The following OSBPL10 variants were observed in gnomAD, a reference collection of about 807,000 sequenced individuals.
OSBPL10 encodes oxysterol-binding protein-related protein 10.
In OSBPL10, 49 loss-of-function variants were observed where a neutral mutation model predicts 81.7. The ratio of observed to expected loss-of-function variants is 0.60; its 90% CI spans 0.48 to 0.76. The LOEUF is 0.76. Among genes scored for constraint, OSBPL10 ranks in the 30% least tolerant of loss-of-function variants. OSBPL10 has a pLI of 0.00. For missense variants in OSBPL10, 923 were observed against 987.8 expected (o/e 0.93, Z 0.88); for synonymous variants, 419 against 383.6 (o/e 1.09, Z -1.08).
rs1214756198 is a variant in OSBPL10 at position 31,798,166 on chromosome 3, C to G, written c.729+31874G>C. Among the ~76,000 whole-genome samples the G allele has an allele frequency of 2.0e-5, 3 of 152,142 alleles. No individual in the cohort carries two copies. The East Asian group carries it at 5.8e-4, about 29-fold the overall frequency. ...CACATGGAGGCCAGGCGCAGTGGCT[C>G]ACACCTGTAATCCCAGCACTTTGGG... On this transcript the variant is annotated intron_variant, in intron 4 of 11. Coordinates refer to ENST00000396556, the MANE Select transcript of OSBPL10 (RefSeq NM_017784.5).
intron 2 of OSBPL10, among the ~76,000 whole-genome samples, chr3:32,037,917 G>A (rs139513652): frequency 1.9e-3 from 293 of 152,346 alleles, no homozygotes; most frequent in African/African-American, 6.9e-3. Context: ...AAGGGAAAGG[G>A]AGCATTGTCC....
intron 2 of OSBPL10, chr3:32,030,769 T>C: frequency 1.6e-6 from 1 of 615,458 alleles, no homozygotes; most frequent in Non-Finnish European, 2.9e-6. Context: ...TTACATAAAA[T>C]ATTCTCTGTT....
intron 2 of OSBPL10, among the ~76,000 whole-genome samples, chr3:32,029,511 G>T (rs141108160): frequency 6.6e-6 from 1 of 152,218 alleles, no homozygotes; most frequent in African/African-American, 2.4e-5. Context: ...AAGAATTGAG[G>T]TTGCTGCAGA....
At chr3:32,019,131 AC>A (rs146008331) in intron 2 of OSBPL10, among the ~76,000 whole-genome samples, 1 of 151,788 alleles carries the variant, frequency 6.6e-6, no homozygotes, top group Non-Finnish European at 1.5e-5. Context: ...AACATCACCC[AC>A]CCCCCCAAAT....
At chr3:31,724,977 C>T (rs1183983338) in intron 6 of OSBPL10, among the ~76,000 whole-genome samples, 1 of 150,798 alleles carries the variant, frequency 6.6e-6, no homozygotes, top group Non-Finnish European at 1.5e-5. Context: ...CATAGGTAAA[C>T]CCACAGCCAC....
intron 4 of OSBPL10, among the ~76,000 whole-genome samples, chr3:31,778,605 A>C (rs566486974): frequency 6.6e-6 from 1 of 152,306 alleles, no homozygotes; most frequent in South Asian, 2.1e-4. Flanking sequence ...GAGAAAGAAC[A>C]AAAATCTAAA....
intron 1 of OSBPL10, among the ~76,000 whole-genome samples, chr3:31,909,708 C>T (rs1559514082): frequency 6.6e-6 from 1 of 152,122 alleles, no homozygotes; most frequent in Non-Finnish European, 1.5e-5. Flanking sequence ...TAACCCTCAG[C>T]GACCACATCA....
intron 2 of OSBPL10, among the ~76,000 whole-genome samples, chr3:32,038,708 T>C (rs1400368444): frequency 6.6e-6 from 1 of 152,220 alleles, no homozygotes; most frequent in African/African-American, 2.4e-5. Flanking sequence ...TACATGGGCA[T>C]AAGGGATCTT....
chr3:31,741,296 C>T (rs1368738760), intron 5 of OSBPL10, among the ~76,000 whole-genome samples: 19 of 152,242 alleles, frequency 1.2e-4, no homozygotes, highest in African/African-American at 4.1e-4. Context: ...GACGGAGTCT[C>T]GCTCTGTCAC....
chr3:31,837,649 C>CAA (rs10704809), intron 3 of OSBPL10, among the ~76,000 whole-genome samples: 6,652 of 136,396 alleles, frequency 0.049, 173 homozygotes, highest in Non-Finnish European at 0.056. Flanking sequence ...TGTTTTATTT[C>CAA]AAAAAAAAAA....
At chr3:31,812,733 A>T (rs1042351103) in intron 4 of OSBPL10, among the ~76,000 whole-genome samples, 1 of 19,388 alleles carries the variant, frequency 5.2e-5, no homozygotes, top group African/African-American at 2.8e-4. Flanking sequence ...AAAGAAAGAA[A>T]GAAAGAAAGA....
At chr3:32,077,464 T>G (rs1289654727) in exon 1 of OSBPL10, 1 of 152,300 alleles carries the variant, frequency 6.6e-6, no homozygotes, top group East Asian at 1.9e-4. Context: ...TCCACACCTG[T>G]TGCAGTAAAG....
intron 1 of OSBPL10, among the ~76,000 whole-genome samples, chr3:31,954,895 G>A (rs1018725489): frequency 6.6e-6 from 1 of 152,252 alleles, no homozygotes; most frequent in Non-Finnish European, 1.5e-5. Context: ...ATCTATGGAT[G>A]AGACAGATGG....
chr3:31,947,750 G>A (rs995881326), intron 1 of OSBPL10, among the ~76,000 whole-genome samples: 1 of 152,176 alleles, frequency 6.6e-6, no homozygotes. Flanking sequence ...AATAGATAAA[G>A]AATCTGTGTT....
At chr3:31,702,269 C>A in intron 7 of OSBPL10, 90 bp downstream of exon 7, 3 of 1,458,374 alleles carry the variant, frequency 2.1e-6, no homozygotes, top group Non-Finnish European at 2.8e-6. Context: ...CCAATCTCAC[C>A]ACAACGAAAA....
At position 31,928,762 on chromosome 3, in the gene OSBPL10, C is replaced by CCAAAAAA. The variant is rs768296819; in HGVS notation, c.282-48933_282-48932insTTTTTTG. On this transcript the variant is annotated intron_variant, in intron 1 of 11. Coordinates refer to ENST00000396556, the MANE Select transcript of OSBPL10 (RefSeq NM_017784.5). ...TCTGGGCGACAGTGAGACTTGTCTC[C>CCAAAAAA]AAAAAAAAAAAAAAAAAAAGAATGC... 0.013 allele frequency among the ~76,000 whole-genome samples: 1,222 copies of CCAAAAAA among 94,844 alleles called. 67 individuals carry two copies. In the East Asian group the frequency reaches 0.19, roughly 15 times the overall value. 62.2% of individuals were successfully genotyped at this position (94,844 alleles called of 152,430 possible). A position where few individuals can be genotyped will look rare whatever the true frequency, so the allele number is the denominator to read the frequency against.
At chr3:31,811,700 TA>T (rs982548514) in intron 4 of OSBPL10, among the ~76,000 whole-genome samples, 1 of 151,856 alleles carries the variant, frequency 6.6e-6, no homozygotes, top group African/African-American at 2.4e-5. Flanking sequence ...ACAAGACCAT[TA>T]AAAAAAAGAA....
At chr3:31,914,242 G>A (rs910132021) in intron 1 of OSBPL10, among the ~76,000 whole-genome samples, 24 of 152,076 alleles carry the variant, frequency 1.6e-4, no homozygotes, top group African/African-American at 5.3e-4. Context: ...TTTTTAAGAC[G>A]GTCCTAACCA....
At chr3:31,912,938 T>G (rs748870158) in intron 1 of OSBPL10, among the ~76,000 whole-genome samples, 5 of 152,148 alleles carry the variant, frequency 3.3e-5, no homozygotes, top group Non-Finnish European at 7.3e-5. Flanking sequence ...TAACCTTGAG[T>G]CCAGCCTAGT....
Sources: allele counts gnomAD v4.1 joint callset (sites outside exome capture counted in the v4.1 genomes callset), GRCh38; gene constraint gnomAD v4.1.1; transcripts MANE v1.5; gene names NCBI Gene and HGNC (gene_info 2026-07-23, HGNC 2026-07-21).